FAM169A: variants seen among roughly 807,000 people sequenced by gnomAD.
FAM169A encodes family with sequence similarity 169 member A.
FAM169A carries 24 observed loss-of-function variants against 75.7 expected under a neutral mutation model. The ratio of observed to expected loss-of-function variants is 0.32; its 90% CI spans 0.23 to 0.45. The LOEUF is 0.45. Among genes scored for constraint, FAM169A ranks in the 20% least tolerant of loss-of-function variants. The pLI, the probability that FAM169A is intolerant of heterozygous loss-of-function variation, is 1.00. For missense variants in FAM169A, 673 were observed against 784.0 expected, an observed-to-expected ratio of 0.86 and a Z score of 1.69; for synonymous variants, 271 against 271.0, an observed-to-expected ratio of 1.00 and a Z score of 0.00.
chr5:74,848,791 T>A (rs1249014533), intron 1 of FAM169A: 1 of 152,250 alleles, frequency 6.6e-6, no homozygotes, highest in East Asian at 1.9e-4. Context: ...ACAGTGGTTC[T>A]GCTACTATAG....
chr5:74,816,883 G>A (rs1306968736), intron 5 of FAM169A, among the ~76,000 whole-genome samples: 1 of 152,044 alleles, frequency 6.6e-6, no homozygotes, highest in Admixed American at 6.5e-5. Flanking sequence ...AAATGCTGAT[G>A]ACTACTAATG....
In FAM169A at chr5:74,845,110, A is replaced by G. The variant is rs1040620918; in HGVS notation, c.-3-3431T>C. Reference sequence around the variant, plus strand: ...AACACCAAAAAAAGAGATAGGATTGACATACGCTGTAACAGTTAATAACTG... The same window carrying G: ...AACACCAAAAAAAGAGATAGGATTGGCATACGCTGTAACAGTTAATAACTG... On this transcript the variant is annotated intron_variant, in intron 1 of 12. Transcript: ENST00000687041. 2.6e-5 allele frequency among the ~76,000 whole-genome samples: 4 copies of G among 152,230 alleles called. No individual in the cohort carries two copies. In the East Asian group the frequency reaches 5.8e-4, roughly 22 times the overall value.
chr5:74,841,588 C>T lies in FAM169A; in HGVS notation c.89G>A (p.Gly30Glu), dbSNP rs1298441500. The change falls in exon 2 of 13, where the codon GGG becomes GAG. Residue 30 changes from glycine (G) to glutamate (E), a missense_variant. Gly to Glu is a moderately conservative substitution (Grantham distance 98). Around this residue, in one of 3 missense-constraint regions of FAM169A, gnomAD observed 56 missense variants for 52.2 expected, o/e 1.07. Transcript: ENST00000687041. ...AAAACACTCTGGATTTTCAGGGTCCCCACACCTTAAATCTGACATGTAATC... is the reference window on the plus strand; with the variant it reads ...AAAACACTCTGGATTTTCAGGGTCCTCACACCTTAAATCTGACATGTAATC... ...AEDYMSDLRC[G>E]DPENPECFSL... 1 of 1,612,998 alleles carries T rather than the reference C, an allele frequency of 6.2e-7. No individual in the cohort carries two copies. The highest frequency in any genetic ancestry group is 1.3e-5 in the African/African-American group (1 of 74,862).
At chr5:74,857,571 GGAAAAAAAA>G (rs1268798029) in intron 1 of FAM169A, among the ~76,000 whole-genome samples, 29 of 65,742 alleles carry the variant, frequency 4.4e-4, no homozygotes, top group African/African-American at 9.4e-4. Flanking sequence ...CCTTGCCGCG[GGAAAAAAAA>G]AAAAAAAAAA....
At chr5:74,794,879 CA>C (rs1241373966) in intron 11 of FAM169A, among the ~76,000 whole-genome samples, 1 of 152,002 alleles carries the variant, frequency 6.6e-6, no homozygotes, top group African/African-American at 2.4e-5. Flanking sequence ...TGCTTAAACC[CA>C]GGAGATGGAG....
At chr5:74,842,404 G>C (rs1203851636) in intron 1 of FAM169A, among the ~76,000 whole-genome samples, 5 of 88,064 alleles carry the variant, frequency 5.7e-5, no homozygotes, top group Non-Finnish European at 1.0e-4. Flanking sequence ...CTGGGTGAAA[G>C]AGTGAGACTC....
chr5:74,819,359 C>T (rs1747654622), intron 5 of FAM169A, among the ~76,000 whole-genome samples: 1 of 152,176 alleles, frequency 6.6e-6, no homozygotes, highest in African/African-American at 2.4e-5. Context: ...GGCACGGCTA[C>T]TTCGTATCTG....
At chr5:74,834,621 G>C in intron 4 of FAM169A, 24 bp from the exon 5 acceptor site, 1 of 1,490,650 alleles carries the variant, frequency 6.7e-7, no homozygotes, top group Non-Finnish European at 8.9e-7. Flanking sequence ...CAAACACCAG[G>C]CACAGCAGTT....
chr5:74,834,648 A>G (rs2112651055), intron 4 of FAM169A, 51 bp from the exon 5 acceptor site: 1 of 1,328,678 alleles, frequency 7.5e-7, no homozygotes, highest in South Asian at 2.0e-5. Context: ...TGCATCAATC[A>G]CAAGATGCTA....
At chr5:74,815,845 G>A (rs1747442182) in intron 5 of FAM169A, among the ~76,000 whole-genome samples, 1 of 152,188 alleles carries the variant, frequency 6.6e-6, no homozygotes, top group African/African-American at 2.4e-5. Flanking sequence ...GTTTCCAAAT[G>A]CCATGGCAAC....
At chr5:74,802,929 C>A (rs1339857794) in intron 8 of FAM169A, among the ~76,000 whole-genome samples, 2 of 152,040 alleles carry the variant, frequency 1.3e-5, no homozygotes, top group African/African-American at 4.8e-5. Flanking sequence ...TAGGAAAAAG[C>A]AGGTAACAAT....
chr5:74,798,446 CT>C (rs570901421), intron 10 of FAM169A, among the ~76,000 whole-genome samples: 17 of 152,140 alleles, frequency 1.1e-4, no homozygotes, highest in Non-Finnish European at 1.8e-4. Flanking sequence ...GTTTTCTAAA[CT>C]CATATTTTTA....
rs150757043 is a variant in FAM169A at position 74,839,465 on chromosome 5, T to C, written c.233-415A>G. 7.1e-3 allele frequency among the ~76,000 whole-genome samples: 1,079 copies of C among 152,166 alleles called. 16 individuals are homozygous for C. Among genetic ancestry groups the C allele is most frequent in the African/African-American group, 0.025 (1,037 of 41,522 alleles). ...GACGTGCCTGCTTCCCCTTCTGCCA[T>C]GATTGCAAGTTTCCTGGTGGCCTCC... is the stretch of plus-strand genomic sequence containing the variant. On this transcript the variant is annotated intron_variant, in intron 3 of 12. Coordinates refer to ENST00000687041, the MANE Select transcript of FAM169A (RefSeq NM_001376049.1).
chr5:74,784,681 G>GT (rs1305502299), intron 11 of FAM169A, among the ~76,000 whole-genome samples: 3 of 149,814 alleles, frequency 2.0e-5, no homozygotes, highest in Non-Finnish European at 4.4e-5. Flanking sequence ...CACTTTGGGA[G>GT]GCCGAGGCGG....
chr5:74,807,202 C>CATCATAGCTTAGCCTCACTTACCTT (rs1561299452), intron 6 of FAM169A, among the ~76,000 whole-genome samples: 7 of 152,326 alleles, frequency 4.6e-5, no homozygotes, highest in Middle Eastern at 3.4e-3. Context: ...ACCTATCAAA[C>CATCATAGCTTAGCCTCACTTACCTT]ATCATAGCTT....
At chr5:74,809,229 A>C (rs541805734) in intron 6 of FAM169A, among the ~76,000 whole-genome samples, 1 of 152,350 alleles carries the variant, frequency 6.6e-6, no homozygotes, top group East Asian at 1.9e-4. Context: ...CATGGACTAA[A>C]GAAAATGAAA....
chr5:74,853,701 ATTTTTTT>A (rs34017579), intron 1 of FAM169A, among the ~76,000 whole-genome samples: 3 of 110,190 alleles, frequency 2.7e-5, no homozygotes, highest in Admixed American at 1.0e-4. Context: ...CATCTTCAGA[ATTTTTTT>A]TTTTTTTTTT....
intron 1 of FAM169A, among the ~76,000 whole-genome samples, chr5:74,857,571 G>GAAAAAAAAA (rs1561328873): frequency 1.7e-4 from 11 of 65,744 alleles, no homozygotes; most frequent in African/African-American, 4.4e-4. Flanking sequence ...CCTTGCCGCG[G>GAAAAAAAAA]GAAAAAAAAA....
chr5:74,831,566 T>G (rs1487713764), intron 5 of FAM169A, among the ~76,000 whole-genome samples: 1 of 152,156 alleles, frequency 6.6e-6, no homozygotes, highest in African/African-American at 2.4e-5. Context: ...CCTTTCTTGT[T>G]GGGCAACCCT....
Sources: gnomAD v4.1 joint callset for allele counts (sites outside exome capture counted in the v4.1 genomes callset) on GRCh38, gnomAD v4.1.1 for gene constraint, gnomAD v4.1.1 regional missense constraint, MANE v1.5 for transcripts, NCBI Gene and HGNC (gene_info 2026-07-23, HGNC 2026-07-21) for gene names.